ENPP3: variants seen among roughly 807,000 people sequenced by gnomAD.
ENPP3 encodes ectonucleotide pyrophosphatase/phosphodiesterase 3, also known as ectonucleotide pyrophosphatase/phosphodiesterase family member 3.
ENPP3 carries 104 observed loss-of-function variants against 117.8 expected under a neutral mutation model. The ratio of observed to expected loss-of-function variants is 0.88; its 90% CI spans 0.75 to 1.04. The LOEUF (loss-of-function observed/expected upper bound fraction) is 1.04. ENPP3 is among the 50% of genes least tolerant of loss of function. The probability of loss-of-function intolerance (pLI) is 0.00; values close to 1 mark genes in which losing one functional copy is unlikely to be tolerated. For missense variants in ENPP3, 1,026 were observed against 1,051.9 expected, an observed-to-expected ratio of 0.98 and a Z score of 0.34; for synonymous variants, 380 against 349.9, an observed-to-expected ratio of 1.09 and a Z score of -0.96.
chr6:131,693,357 G>A, intron 14 of ENPP3, 140 bp from the exon 15 acceptor site: 3 of 674,952 alleles, frequency 4.4e-6, no homozygotes, highest in Non-Finnish European at 7.3e-6. Flanking sequence ...TTGATAATAG[G>A]TTTAATATTC....
At chr6:131,721,696 C>G (rs1400919984) in intron 17 of ENPP3, among the ~76,000 whole-genome samples, 2 of 148,570 alleles carry the variant, frequency 1.3e-5, no homozygotes, top group African/African-American at 4.9e-5. Flanking sequence ...AAGTGTCTAT[C>G]TTTAGAGAAT....
rs199637587 is a variant in ENPP3 at position 131,708,817 on chromosome 6, C to G, written c.1413-9855C>G. 2.9e-5 allele frequency: 46 copies of G among 1,609,196 alleles called. No homozygotes were observed. Among genetic ancestry groups the G allele is most frequent in the Non-Finnish European group, 3.4e-5 (40 of 1,179,772 alleles). ...GAAATCCCTTGGTGGAAAATAACCT[C>G]GAGAAGCTCCAAACATGGTTCCTGG... On this transcript the variant is annotated intron_variant, in intron 15 of 24. Coordinates refer to ENST00000357639, the MANE Select transcript of ENPP3 (RefSeq NM_005021.5).
chr6:131,718,154 A>G (rs1048464845), intron 15 of ENPP3, among the ~76,000 whole-genome samples: 4 of 152,180 alleles, frequency 2.6e-5, no homozygotes, highest in African/African-American at 9.7e-5. Context: ...TTCTTTATTC[A>G]TGCTTTCATA....
Position 131,747,087 on chromosome 6 carries a change from T to G in ENPP3, c.*131T>G. ...TTAAGTCCCCTAAAAGCCATAATTTTTATTATTCCTTTTTCTCTTTTTTCA... is the reference window on the plus strand; with the variant it reads ...TTAAGTCCCCTAAAAGCCATAATTTGTATTATTCCTTTTTCTCTTTTTTCA... On this transcript the variant is annotated 3_prime_UTR_variant, in exon 25 of 25. Transcript: ENST00000357639. The G allele has an allele frequency of 4.0e-6, 2 of 494,334 alleles. No individual in the cohort carries two copies. Among genetic ancestry groups the G allele is most frequent in the Non-Finnish European group, 7.0e-6 (2 of 286,474 alleles). The allele number at this position is 494,334 out of a possible 1,614,324, so 30.6% of individuals were successfully genotyped here.
At chr6:131,696,027 T>C (rs1779397496) in intron 15 of ENPP3, among the ~76,000 whole-genome samples, 2 of 152,216 alleles carry the variant, frequency 1.3e-5, no homozygotes, top group Non-Finnish European at 2.9e-5. Flanking sequence ...TTTTTAGTAA[T>C]AATGTGCATC....
chr6:131,699,083 T>G (rs1779469247), intron 15 of ENPP3, among the ~76,000 whole-genome samples: 2 of 146,282 alleles, frequency 1.4e-5, no homozygotes, highest in Admixed American at 1.4e-4. Context: ...CTGTCTCTAC[T>G]GAAAATTAGC....
intron 11 of ENPP3, among the ~76,000 whole-genome samples, chr6:131,680,016 G>T (rs1007430752): frequency 6.6e-6 from 1 of 152,136 alleles, no homozygotes; most frequent in Non-Finnish European, 1.5e-5. Flanking sequence ...TCTAGAAAAA[G>T]TACAATAAGA....
At chr6:131,688,174 C>T (rs1040165324) in intron 14 of ENPP3, among the ~76,000 whole-genome samples, 3 of 152,052 alleles carry the variant, frequency 2.0e-5, no homozygotes, top group Admixed American at 1.3e-4. Context: ...TTTGGGGCAC[C>T]ATGAATCCTA....
chr6:131,724,948 C>T (rs2114538539), intron 19 of ENPP3, among the ~76,000 whole-genome samples: 1 of 151,946 alleles, frequency 6.6e-6, no homozygotes, highest in Non-Finnish European at 1.5e-5. Flanking sequence ...GTGGCTCACA[C>T]CTGTAATCCC....
chr6:131,701,115 C>A, intron 15 of ENPP3: 1 of 620,100 alleles, frequency 1.6e-6, no homozygotes, highest in Non-Finnish European at 2.7e-6. Flanking sequence ...CTGCATCATG[C>A]GGCCCGCAAA....
chr6:131,720,769 G>A (rs533332282), intron 17 of ENPP3, among the ~76,000 whole-genome samples: 1 of 152,070 alleles, frequency 6.6e-6, no homozygotes, highest in African/African-American at 2.4e-5. Flanking sequence ...ATTTTTTGTA[G>A]AGATGGTGTT....
intron 2 of ENPP3, 145 bp from the exon 3 acceptor site, chr6:131,649,882 G>A (rs1778225765): frequency 1.2e-6 from 1 of 808,536 alleles, no homozygotes; most frequent in African/African-American, 1.7e-5. Context: ...TTATTACATT[G>A]TATTGGCAGA....
chr6:131,667,123 G>A (rs1008827157), intron 6 of ENPP3, among the ~76,000 whole-genome samples: 8 of 152,072 alleles, frequency 5.3e-5, no homozygotes, highest in Admixed American at 2.0e-4. Context: ...TTTTGTTTTG[G>A]TCGTGGGGCT....
rs1407666836 is a variant in ENPP3, at chr6:131,675,186, A to G, written c.869A>G (p.Asn290Ser). 6.5e-7 allele frequency: 1 copy of G among 1,547,920 alleles called. No homozygotes were observed. Among genetic ancestry groups the G allele is most frequent in the South Asian group, 1.1e-5 (1 of 89,630 alleles). The change falls in exon 9 of 25, where the codon AAC (asparagine) becomes AGC (serine). Residue 290 changes from asparagine to serine, a missense_variant. Coordinates refer to ENST00000357639, the MANE Select transcript of ENPP3 (RefSeq NM_005021.5). ...TTTCCTTCCATATACATGCCTTACAACGGGTAGTGAAGCACTTTCAGATAT... is the reference window on the plus strand; with the variant it reads ...TTTCCTTCCATATACATGCCTTACAGCGGGTAGTGAAGCACTTTCAGATAT... Reference protein sequence around the residue: ...GSFPSIYMPYNGSVPFEERIS... With the variant: ...GSFPSIYMPYSGSVPFEERIS...
rs371297064 is a variant in ENPP3, at chr6:131,701,385, G to A, written c.1412+7761G>A. ...CAGTAGGAGGAACTCTCTGATGGAT[G>A]TTATATTGTCTCCCATATCCCTATG... is the stretch of plus-strand genomic sequence containing the variant. On this transcript the variant is annotated intron_variant, in intron 15 of 24. Transcript: ENST00000357639. 9.0e-5 allele frequency: 145 copies of A among 1,613,860 alleles called. No individual in the cohort carries two copies. Among genetic ancestry groups the A allele is most frequent in the Non-Finnish European group, 1.1e-4 (131 of 1,179,922 alleles).
intron 23 of ENPP3, among the ~76,000 whole-genome samples, chr6:131,738,378 T>C (rs924094104): frequency 6.6e-6 from 1 of 152,168 alleles, no homozygotes; most frequent in African/African-American, 2.4e-5. Flanking sequence ...TGGAAAAGTT[T>C]AGCAAAATTT....
rs552130047 is a variant in ENPP3, at chr6:131,691,449, C to A, written c.1285-2048C>A. Among the ~76,000 whole-genome samples, 11 of 151,796 alleles carry A rather than the reference C, an allele frequency of 7.2e-5. No individual in the cohort carries two copies. The South Asian group carries it at 2.3e-3, about 32-fold the overall frequency. On this transcript the variant is annotated intron_variant, in intron 14 of 24. Transcript: ENST00000357639. ...ACTAAAAATACAAAAATTAGCCGGG[C>A]ATGGTGGTGGATGCCTGTAATCCCA... is the stretch of plus-strand genomic sequence containing the variant.
chr6:131,646,274 C>CTGTGTGTGTGTGTGTGTGTGTGTGTG (rs34014584), intron 2 of ENPP3, among the ~76,000 whole-genome samples: 4 of 145,506 alleles, frequency 2.7e-5, no homozygotes, highest in African/African-American at 1.0e-4. Flanking sequence ...TCTCAATACT[C>CTGTGTGTGTGTGTGTGTGTGTGTGTG]TGTGTGTGTG....
chr6:131,744,703 C>G (rs545668559), intron 24 of ENPP3, among the ~76,000 whole-genome samples: 6 of 151,550 alleles, frequency 4.0e-5, no homozygotes, highest in Non-Finnish European at 4.4e-5. Context: ...AGAATAAGAA[C>G]GTGGATAGGG....
Sources: allele counts gnomAD v4.1 joint callset (sites outside exome capture counted in the v4.1 genomes callset), GRCh38; gene constraint gnomAD v4.1.1; transcripts MANE v1.5; gene names NCBI Gene and HGNC (gene_info 2026-07-23, HGNC 2026-07-21).